SNTG2: variants seen among roughly 807,000 people sequenced by gnomAD.
SNTG2 encodes gamma-2-syntrophin.
In SNTG2, 74 loss-of-function variants were observed where a neutral mutation model predicts 70.9. That is an observed-to-expected ratio of 1.04 (90% CI 0.86 to 1.27). SNTG2 has a LOEUF of 1.27. Among genes scored for constraint, SNTG2 ranks in the 50% most tolerant of loss-of-function variants. The pLI, the probability that SNTG2 is intolerant of heterozygous loss-of-function variation, is 0.00. For synonymous variants in SNTG2, 278 were observed against 273.8 expected, an observed-to-expected ratio of 1.02 and a Z score of -0.15; for missense variants, 717 against 690.7, an observed-to-expected ratio of 1.04 and a Z score of -0.43.
chr2:1,268,242 C>T (rs1678852988), intron 14 of SNTG2, among the ~76,000 whole-genome samples: 1 of 152,228 alleles, frequency 6.6e-6, no homozygotes, highest in South Asian at 2.1e-4. Context: ...GGAGCTCTGA[C>T]TTCACACCAA....
At chr2:993,811 G>A (rs565076482) in intron 1 of SNTG2, among the ~76,000 whole-genome samples, 38 of 152,014 alleles carry the variant, frequency 2.5e-4, no homozygotes, top group Admixed American at 5.9e-4. Context: ...TTTGCCATTT[G>A]TATATTTTCT....
At chr2:1,063,720 G>C (rs1231511103) in intron 1 of SNTG2, among the ~76,000 whole-genome samples, 4 of 152,138 alleles carry the variant, frequency 2.6e-5, no homozygotes, top group African/African-American at 9.7e-5. Flanking sequence ...TGAAATTGAA[G>C]ATAGATCAAT....
chr2:1,222,135 G>GTT (rs1675243040), intron 9 of SNTG2, among the ~76,000 whole-genome samples: 1 of 103,016 alleles, frequency 9.7e-6, no homozygotes, highest in Admixed American at 1.1e-4. Context: ...GTCTCTCTCT[G>GTT]TCTCTCTCTG....
intron 14 of SNTG2, among the ~76,000 whole-genome samples, chr2:1,307,900 G>A (rs9679273): frequency 0.36 from 54,173 of 151,972 alleles, 9,785 homozygotes; most frequent in Middle Eastern, 0.46. Flanking sequence ...GCCGCCCTCC[G>A]CACAAACCAC....
rs1186859361 is a variant in SNTG2, at chr2:970,389, G to A, written c.72+19321G>A. Among the ~76,000 whole-genome samples, 6 of 149,674 alleles carry A rather than the reference G, an allele frequency of 4.0e-5. No homozygotes were observed. The South Asian group carries it at 1.3e-3, about 32-fold the overall frequency. On this transcript the variant is annotated intron_variant, in intron 1 of 16. Coordinates refer to ENST00000308624, the MANE Select transcript of SNTG2 (RefSeq NM_018968.4). ...CCCACTAACTCATCATCTAGCATTA[G>A]GTATATCTCCCAATGCTATCCCTCC...
intron 1 of SNTG2, among the ~76,000 whole-genome samples, chr2:1,059,507 A>C (rs927318995): frequency 6.6e-6 from 1 of 152,210 alleles, no homozygotes; most frequent in Non-Finnish European, 1.5e-5. Context: ...GGAAACTTGG[A>C]GTCACAATTG....
At chr2:1,358,358 A>G (rs960453019) in intron 16 of SNTG2, among the ~76,000 whole-genome samples, 21 of 141,044 alleles carry the variant, frequency 1.5e-4, no homozygotes, top group African/African-American at 4.5e-4. Flanking sequence ...TCTCTCTTTC[A>G]TTTAGTTCTG....
chr2:1,186,570 TAAAC>T (rs767318507), intron 8 of SNTG2, among the ~76,000 whole-genome samples: 3 of 152,150 alleles, frequency 2.0e-5, no homozygotes, highest in South Asian at 2.1e-4. Context: ...TCAGAAAACT[TAAAC>T]AATCATGTTG....
intron 16 of SNTG2, among the ~76,000 whole-genome samples, chr2:1,360,881 CG>C (rs1661104225): frequency 6.6e-6 from 1 of 152,186 alleles, no homozygotes; most frequent in Non-Finnish European, 1.5e-5. Context: ...TTCTGCATAA[CG>C]ATTCCAGTCA....
chr2:1,264,529 A>G (rs1437305011), intron 13 of SNTG2, among the ~76,000 whole-genome samples: 1 of 152,226 alleles, frequency 6.6e-6, no homozygotes, highest in African/African-American at 2.4e-5. Context: ...ATATCACAGC[A>G]TTGCCAAAAA....
chr2:1,164,815 C>G (rs74879938), intron 6 of SNTG2, among the ~76,000 whole-genome samples: 1 of 150,730 alleles, frequency 6.6e-6, no homozygotes, highest in African/African-American at 2.4e-5. Flanking sequence ...GAGGAGAGGG[C>G]GGGTGGGCTA....
At chr2:1,124,937 C>T (rs1371506330) in intron 4 of SNTG2, among the ~76,000 whole-genome samples, 1 of 152,122 alleles carries the variant, frequency 6.6e-6, no homozygotes, top group Middle Eastern at 3.2e-3. Context: ...ATTTTAGCTG[C>T]TCTTGACACA....
chr2:1,331,905 G>A (rs1016918916), intron 16 of SNTG2, among the ~76,000 whole-genome samples: 15 of 152,182 alleles, frequency 9.9e-5, no homozygotes, highest in Admixed American at 7.9e-4. Context: ...ATGCCCTGGC[G>A]CGGTTTCCAG....
chr2:1,094,887 G>A (rs1418871971), intron 2 of SNTG2, among the ~76,000 whole-genome samples: 2 of 89,484 alleles, frequency 2.2e-5, no homozygotes, highest in Non-Finnish European at 4.3e-5. Context: ...GGCCTTATAG[G>A]TGTGTCCTCA....
chr2:1,161,885 T>C (rs564383475), intron 6 of SNTG2, among the ~76,000 whole-genome samples: 2 of 151,990 alleles, frequency 1.3e-5, no homozygotes, highest in African/African-American at 2.4e-5. Flanking sequence ...CCATCCTGGC[T>C]AACACGGTGA....
intron 1 of SNTG2, among the ~76,000 whole-genome samples, chr2:960,077 T>C (rs1224039087): frequency 6.6e-6 from 1 of 152,166 alleles, no homozygotes; most frequent in Non-Finnish European, 1.5e-5. Context: ...TCAATTACCA[T>C]CATCCCCCTG....
intron 1 of SNTG2, among the ~76,000 whole-genome samples, chr2:989,220 ATTTTTTCC>A (rs1661420199): frequency 6.6e-6 from 1 of 151,956 alleles, no homozygotes; most frequent in South Asian, 2.1e-4. Context: ...CTTCTTTTTT[ATTTTTTCC>A]TTCCATCTTG....
intron 4 of SNTG2, among the ~76,000 whole-genome samples, chr2:1,122,907 CAAAT>C (rs1291671742): frequency 1.5e-5 from 2 of 132,814 alleles, no homozygotes; most frequent in Non-Finnish European, 3.1e-5. Flanking sequence ...TTGTCATACA[CAAAT>C]AATAGCTGAA....
At chr2:1,256,596 C>G (rs1678134650) in intron 12 of SNTG2, 1 of 151,304 alleles carries the variant, frequency 6.6e-6, no homozygotes, top group Non-Finnish European at 1.5e-5. Context: ...TGAGAAGAGC[C>G]CTAATGGACA....
Sources: allele counts gnomAD v4.1 joint callset (sites outside exome capture counted in the v4.1 genomes callset), GRCh38; gene constraint gnomAD v4.1.1; transcripts MANE v1.5; gene names NCBI Gene and HGNC (gene_info 2026-07-23, HGNC 2026-07-21).